RBPJ: variants seen among roughly 807,000 people sequenced by gnomAD.
RBPJ encodes the protein recombination signal binding protein for immunoglobulin kappa J region.
RBPJ carries 9 observed loss-of-function variants against 67.8 expected under a neutral mutation model. That is an observed-to-expected ratio of 0.13 (90% CI 0.08 to 0.23). The LOEUF is 0.23. Among genes scored for constraint, RBPJ ranks in the 10% least tolerant of loss-of-function variants. The pLI is 1.00. For missense variants in RBPJ, 305 were observed against 595.6 expected (o/e 0.51, Z 5.08); for synonymous variants, 198 against 203.3 (o/e 0.97, Z 0.22).
At chr4:26,179,320 C>A (rs536818382) in intron 1 of RBPJ, among the ~76,000 whole-genome samples, 2 of 150,652 alleles carry the variant, frequency 1.3e-5, no homozygotes, top group African/African-American at 4.9e-5. Context: ...AAAGCTCCCC[C>A]AGAAAGAACC....
At chr4:26,342,265 CAAAA>C (rs60781954) in intron 1 of RBPJ, among the ~76,000 whole-genome samples, 4 of 114,110 alleles carry the variant, frequency 3.5e-5, no homozygotes, top group Admixed American at 8.9e-5. Context: ...CCTGGGTTAT[CAAAA>C]AAAAAAAAAA....
intron 1 of RBPJ, among the ~76,000 whole-genome samples, chr4:26,220,713 T>C (rs969723665): frequency 2.6e-5 from 4 of 152,168 alleles, no homozygotes; most frequent in African/African-American, 9.7e-5. Context: ...GCTCTTCTCA[T>C]AGGAATACTG....
intron 1 of RBPJ, among the ~76,000 whole-genome samples, chr4:26,217,301 A>T (rs904341403): frequency 1.3e-5 from 2 of 152,188 alleles, no homozygotes; most frequent in Admixed American, 1.3e-4. Context: ...GATAAATGAA[A>T]GCTTATACTG....
chr4:26,112,926 G>C, the RBPJ span: 18,250 of 152,956 alleles, frequency 0.12, 1,198 homozygotes, highest in Middle Eastern at 0.19. Context: ...TAATTGTTTT[G>C]TATTTTTAGT....
intron 3 of RBPJ, chr4:26,409,960 G>C: frequency 4.8e-6 from 2 of 420,336 alleles, no homozygotes; most frequent in East Asian, 1.5e-4. Flanking sequence ...GATTTGTATT[G>C]TTAAAAATTT....
intron 1 of RBPJ, among the ~76,000 whole-genome samples, chr4:26,228,313 G>C (rs1365935027): frequency 6.6e-6 from 1 of 152,086 alleles, no homozygotes; most frequent in Non-Finnish European, 1.5e-5. Context: ...TTTTGTGTTT[G>C]GGTTATTCCT....
At chr4:26,304,928 T>G (rs934908658) in intron 1 of RBPJ, among the ~76,000 whole-genome samples, 1 of 152,288 alleles carries the variant, frequency 6.6e-6, no homozygotes, top group African/African-American at 2.4e-5. Flanking sequence ...TAATCCAAGA[T>G]TATGAAGATT....
intron 1 of RBPJ, among the ~76,000 whole-genome samples, chr4:26,340,728 G>A (rs946476527): frequency 5.9e-5 from 9 of 151,858 alleles, no homozygotes; most frequent in Non-Finnish European, 8.8e-5. Flanking sequence ...GCGTGGTGGC[G>A]GGCACCTGTA....
chr4:26,147,707 C>A, the RBPJ span, among the ~76,000 whole-genome samples: 1 of 152,114 alleles, frequency 6.6e-6, no homozygotes, highest in Non-Finnish European at 1.5e-5. Flanking sequence ...CAAGCTCCGC[C>A]TCCTGGGTTC....
intron 1 of RBPJ, among the ~76,000 whole-genome samples, chr4:26,305,299 G>A (rs2109302704): frequency 6.6e-6 from 1 of 152,264 alleles, no homozygotes; most frequent in East Asian, 1.9e-4. Context: ...TCTTTTTCAA[G>A]ATTGTTTGGC....
chr4:26,237,013 C>T (rs894482658), intron 1 of RBPJ, among the ~76,000 whole-genome samples: 8 of 152,118 alleles, frequency 5.3e-5, no homozygotes, highest in Non-Finnish European at 2.9e-5. Flanking sequence ...GCCAGAAAGC[C>T]GTAGAGCTCA....
Position 26,432,480 on chromosome 4 carries a change from T to G in RBPJ, c.*1473T>G, listed in dbSNP as rs1736324183. On this transcript the variant is annotated 3_prime_UTR_variant, in exon 11 of 11. Transcript: ENST00000355476. ...TGTCTCCTAACTCAGAAAATGTTTC[T>G]TTTCTTTTCAGTTGAGATTTGGTTG... 1 of 152,234 alleles carries G rather than the reference T, an allele frequency of 6.6e-6. No individual in the cohort carries two copies. The highest frequency in any genetic ancestry group is 2.4e-5 in the African/African-American group (1 of 41,450). 9.4% of individuals were successfully genotyped at this position (152,234 alleles called of 1,614,324 possible).
intron 1 of RBPJ, among the ~76,000 whole-genome samples, chr4:26,325,159 A>C (rs1167121138): frequency 6.6e-6 from 1 of 152,150 alleles, no homozygotes; most frequent in African/African-American, 2.4e-5. Flanking sequence ...CTTTACATTT[A>C]ATTACTGAGA....
chr4:26,346,222 A>G (rs754517786), intron 1 of RBPJ, among the ~76,000 whole-genome samples: 2 of 152,206 alleles, frequency 1.3e-5, no homozygotes, highest in Non-Finnish European at 2.9e-5. Context: ...AAGAAAGAGA[A>G]AGAGAAAGGA....
chr4:26,154,675 G>A, the RBPJ span, among the ~76,000 whole-genome samples: 1 of 152,220 alleles, frequency 6.6e-6, no homozygotes, highest in African/African-American at 2.4e-5. Context: ...AATTATAATT[G>A]TTCTTTTGGC....
intron 1 of RBPJ, among the ~76,000 whole-genome samples, chr4:26,383,577 C>A (rs73810218): frequency 0.01 from 1,540 of 152,236 alleles, 28 homozygotes; most frequent in African/African-American, 0.036. Flanking sequence ...ACTGCATATT[C>A]ACATATGTAT....
the RBPJ span, among the ~76,000 whole-genome samples, chr4:26,125,373 C>T: frequency 6.6e-6 from 1 of 152,212 alleles, no homozygotes; most frequent in Non-Finnish European, 1.5e-5. Flanking sequence ...TTCTACACTA[C>T]TGACTGAGGA....
intron 1 of RBPJ, among the ~76,000 whole-genome samples, chr4:26,299,741 A>C (rs1288646083): frequency 7.5e-6 from 1 of 132,672 alleles, no homozygotes; most frequent in Non-Finnish European, 1.5e-5. Flanking sequence ...TGAAATGGCG[A>C]GATCCTGGCT....
chr4:26,258,748 GATT>G (rs1389795805), intron 1 of RBPJ, among the ~76,000 whole-genome samples: 2 of 151,990 alleles, frequency 1.3e-5, no homozygotes, highest in African/African-American at 2.4e-5. Flanking sequence ...GTCTTTTTTA[GATT>G]ATTAACTGAA....
Sources: gnomAD v4.1 joint callset for allele counts (sites outside exome capture counted in the v4.1 genomes callset) on GRCh38, gnomAD v4.1.1 for gene constraint, MANE v1.5 for transcripts, NCBI Gene and HGNC (gene_info 2026-07-23, HGNC 2026-07-21) for gene names.